CCSER1: variants seen among roughly 807,000 people sequenced by gnomAD.
The protein encoded by CCSER1 is coiled-coil serine rich protein 1.
In CCSER1, 41 loss-of-function variants were observed where a neutral mutation model predicts 82.0. That is an observed-to-expected ratio of 0.50 (90% CI 0.39 to 0.65). CCSER1 has a LOEUF of 0.65. Ranked by LOEUF, CCSER1 falls within the 30% of genes least tolerant of loss-of-function variation. The pLI, the probability that CCSER1 is intolerant of heterozygous loss-of-function variation, is 0.00. For missense variants in CCSER1, 1,119 were observed against 1,064.2 expected (o/e 1.05, Z -0.72); for synonymous variants, 414 against 383.9 (o/e 1.08, Z -0.92).
At chr4:90,217,907 C>T (rs1376282489) in intron 1 of CCSER1, among the ~76,000 whole-genome samples, 1 of 151,976 alleles carries the variant, frequency 6.6e-6, no homozygotes, top group Non-Finnish European at 1.5e-5. Context: ...GAGATCCTGC[C>T]ACCTCAGCCT....
chr4:90,577,831 T>C (rs1780932264), intron 5 of CCSER1, among the ~76,000 whole-genome samples: 2 of 152,176 alleles, frequency 1.3e-5, no homozygotes, highest in South Asian at 2.1e-4. Context: ...TTATTTTATT[T>C]CATGCCGGTG....
At chr4:91,509,743 C>T (rs986783305) in intron 10 of CCSER1, among the ~76,000 whole-genome samples, 2 of 151,714 alleles carry the variant, frequency 1.3e-5, no homozygotes, top group African/African-American at 4.8e-5. Flanking sequence ...ATAATCATTC[C>T]AGCTTTTTTG....
At chr4:90,717,137 C>A (rs117312043) in intron 6 of CCSER1, among the ~76,000 whole-genome samples, 1 of 152,094 alleles carries the variant, frequency 6.6e-6, no homozygotes, top group South Asian at 2.1e-4. Context: ...TTAAATAATG[C>A]GGCTTCTGTG....
chr4:91,036,397 T>C (rs1449450919), intron 9 of CCSER1, among the ~76,000 whole-genome samples: 1 of 152,202 alleles, frequency 6.6e-6, no homozygotes, highest in Non-Finnish European at 1.5e-5. Flanking sequence ...CTTTTTGATA[T>C]TCTGCTCAAT....
chr4:90,978,373 T>A (rs1371869062), intron 9 of CCSER1, among the ~76,000 whole-genome samples: 1 of 151,668 alleles, frequency 6.6e-6, no homozygotes, highest in Non-Finnish European at 1.5e-5. Flanking sequence ...TAATACTTTC[T>A]ATAAACAATG....
chr4:90,916,465 A>G (rs1200107476), intron 8 of CCSER1, among the ~76,000 whole-genome samples: 1 of 152,118 alleles, frequency 6.6e-6, no homozygotes, highest in Non-Finnish European at 1.5e-5. Flanking sequence ...CGCCATATGG[A>G]GAAAGCTGAA....
rs1581575301 is a variant in CCSER1 at position 91,110,297 on chromosome 4, G to A, written c.2217+24303G>A. On this transcript the variant is annotated intron_variant, in intron 10 of 10. Coordinates refer to ENST00000509176, the MANE Select transcript of CCSER1 (RefSeq NM_001145065.2). ...CATATTTCAGTTGTTTCTTCACTAG[G>A]AAAAAAATAAACTTAGTGCTTGCTC... Among the ~76,000 whole-genome samples the A allele has an allele frequency of 2.6e-5, 4 of 151,594 alleles. No individual in the cohort carries two copies. In the South Asian group the frequency reaches 8.3e-4, roughly 31 times the overall value.
chr4:90,932,980 A>AGAG lies in CCSER1; in HGVS notation c.2172+9533_2172+9534insGAG, dbSNP rs1561385048. Among the ~76,000 whole-genome samples, 22 of 21,978 alleles carry AGAG rather than the reference A, an allele frequency of 1.0e-3. 5 individuals are homozygous for AGAG. Among genetic ancestry groups the AGAG allele is most frequent in the Middle Eastern group, 0.015 (1 of 66 alleles). 14.4% of individuals were successfully genotyped at this position (21,978 alleles called of 152,430 possible). A position where few individuals can be genotyped will look rare whatever the true frequency, so the allele number is the denominator to read the frequency against. ...AAAGAAAGAAAGAAAGAAAGAAAGA[A>AGAG]AGAGAAAGAAAGAAAGAAAGAAAGA... On this transcript the variant is annotated intron_variant, in intron 9 of 10. Transcript: ENST00000509176.
intron 10 of CCSER1, among the ~76,000 whole-genome samples, chr4:91,305,785 G>A (rs1745019346): frequency 2.0e-5 from 3 of 151,862 alleles, no homozygotes; most frequent in Admixed American, 1.3e-4. Flanking sequence ...CATGACTGGG[G>A]AGGCCTCACA....
At chr4:91,463,553 T>C (rs566230028) in intron 10 of CCSER1, among the ~76,000 whole-genome samples, 57 of 152,230 alleles carry the variant, frequency 3.7e-4, no homozygotes, top group Admixed American at 7.2e-4. Flanking sequence ...ATCAAACTTC[T>C]CTGAGCTAAA....
rs954515781 is a variant in CCSER1 at position 91,602,605 on chromosome 4, CATAATT to C, written c.*3554_*3559del. 1.1e-4 allele frequency among the ~76,000 whole-genome samples: 17 copies of C among 151,948 alleles called. No homozygotes were observed. Among genetic ancestry groups the C allele is most frequent in the African/African-American group, 3.1e-4 (13 of 41,400 alleles). On this transcript the variant is annotated 3_prime_UTR_variant, in exon 11 of 11. Transcript: ENST00000509176. ...TAATTTGGAATACTTAGCATAATCT[CATAATT>C]ATAATCTAAATTTTTACTACTTTTT...
At chr4:91,377,782 TG>T (rs200151932) in intron 10 of CCSER1, among the ~76,000 whole-genome samples, 2,984 of 152,320 alleles carry the variant, frequency 0.02, 76 homozygotes, top group African/African-American at 0.067. Context: ...TTTTGGCTTT[TG>T]TTGCCATTGC....
chr4:91,438,731 C>T (rs1441468261), intron 10 of CCSER1, among the ~76,000 whole-genome samples: 1 of 151,762 alleles, frequency 6.6e-6, no homozygotes, highest in Non-Finnish European at 1.5e-5. Flanking sequence ...GTAAAACTTT[C>T]AAAAAAATTT....
chr4:90,617,234 A>C (rs1721456926), intron 5 of CCSER1, among the ~76,000 whole-genome samples: 1 of 151,176 alleles, frequency 6.6e-6, no homozygotes, highest in Non-Finnish European at 1.5e-5. Context: ...GGGGGGAATT[A>C]TTTTTTTTTC....
intron 8 of CCSER1, among the ~76,000 whole-genome samples, chr4:90,861,928 T>TATATATA (rs1561265442): frequency 3.0e-4 from 33 of 109,382 alleles, no homozygotes; most frequent in African/African-American, 8.4e-4. Flanking sequence ...ATATATATAT[T>TATATATA]TTTTTTTTCT....
intron 7 of CCSER1, among the ~76,000 whole-genome samples, chr4:90,763,877 C>A (rs1364489950): frequency 6.6e-6 from 1 of 152,136 alleles, no homozygotes; most frequent in Non-Finnish European, 1.5e-5. Flanking sequence ...TCCTCATTTC[C>A]TGGTCATCCA....
chr4:90,663,416 C>T (rs1294748691), intron 6 of CCSER1, among the ~76,000 whole-genome samples: 2 of 152,152 alleles, frequency 1.3e-5, no homozygotes, highest in Non-Finnish European at 2.9e-5. Flanking sequence ...TCTGGCTACA[C>T]ACAAGAAACA....
chr4:90,399,774 T>C (rs773569135), intron 3 of CCSER1, among the ~76,000 whole-genome samples: 4 of 152,058 alleles, frequency 2.6e-5, no homozygotes, highest in African/African-American at 4.8e-5. Context: ...CATTTAATTA[T>C]AAGTTACATA....
chr4:91,157,564 C>T (rs1359978644), intron 10 of CCSER1, among the ~76,000 whole-genome samples: 3 of 151,884 alleles, frequency 2.0e-5, no homozygotes, highest in Non-Finnish European at 1.5e-5. Context: ...ACTGTCTGAA[C>T]ATCAAATACA....
Sources: gnomAD v4.1 joint callset for allele counts (sites outside exome capture counted in the v4.1 genomes callset) on GRCh38, gnomAD v4.1.1 for gene constraint, MANE v1.5 for transcripts, NCBI Gene and HGNC (gene_info 2026-07-23, HGNC 2026-07-21) for gene names.